The following PRKAG2 variants were observed in gnomAD, a reference collection of about 807,000 sequenced individuals.
PRKAG2 encodes protein kinase AMP-activated non-catalytic subunit gamma 2.
A neutral mutation model predicts 69.6 loss-of-function variants in PRKAG2; 26 were observed. That is an observed-to-expected ratio of 0.37 (90% CI 0.27 to 0.52). The LOEUF (loss-of-function observed/expected upper bound fraction) is 0.52, where lower values mean the gene tolerates loss of function less well. Among genes scored for constraint, PRKAG2 ranks in the 20% least tolerant of loss-of-function variants. The pLI, the probability that PRKAG2 is intolerant of heterozygous loss-of-function variation, is 0.90. For missense variants in PRKAG2, 557 were observed against 740.0 expected (o/e 0.75, Z 2.87); for synonymous variants, 293 against 285.0 (o/e 1.03, Z -0.28).
chr7:151,831,720 T>A (rs2079029275), intron 1 of PRKAG2, among the ~76,000 whole-genome samples: 1 of 152,162 alleles, frequency 6.6e-6, no homozygotes, highest in Non-Finnish European at 1.5e-5. Context: ...CAAGCTGGTC[T>A]CGGGTCCTGG....
chr7:151,716,530 T>C (rs1796213644), intron 3 of PRKAG2, among the ~76,000 whole-genome samples: 1 of 152,158 alleles, frequency 6.6e-6, no homozygotes, highest in African/African-American at 2.4e-5. Flanking sequence ...AGCTACATAC[T>C]TGTTCCCATG....
At chr7:151,870,494 G>A (rs980225215) in intron 1 of PRKAG2, among the ~76,000 whole-genome samples, 2 of 152,208 alleles carry the variant, frequency 1.3e-5, no homozygotes, top group African/African-American at 2.4e-5. Context: ...GCTCAGGATG[G>A]TACAAACTGG....
chr7:151,613,658 T>C (rs11771537), intron 5 of PRKAG2, among the ~76,000 whole-genome samples: 21,552 of 151,348 alleles, frequency 0.14, 1,636 homozygotes, highest in East Asian at 0.26. Context: ...CCACCACGCC[T>C]GGCTAATTTT....
At chr7:151,595,795 A>T (rs1274460612) in intron 5 of PRKAG2, among the ~76,000 whole-genome samples, 1 of 152,260 alleles carries the variant, frequency 6.6e-6, no homozygotes, top group African/African-American at 2.4e-5. Context: ...TGAGTTTAGC[A>T]GGGTCATAGA....
intron 5 of PRKAG2, among the ~76,000 whole-genome samples, chr7:151,604,751 C>T (rs1044013683): frequency 2.0e-5 from 3 of 152,222 alleles, no homozygotes; most frequent in East Asian, 1.9e-4. Context: ...CTCACGATCC[C>T]GTCCAGGATT....
At chr7:151,863,796 G>A (rs921791026) in intron 1 of PRKAG2, among the ~76,000 whole-genome samples, 1 of 151,870 alleles carries the variant, frequency 6.6e-6, no homozygotes, top group South Asian at 2.1e-4. Flanking sequence ...CTGCGGTCCC[G>A]GCTACTGAGC....
intron 2 of PRKAG2, among the ~76,000 whole-genome samples, chr7:151,785,229 T>C (rs60355165): frequency 0.051 from 7,769 of 152,336 alleles, 587 homozygotes; most frequent in African/African-American, 0.17. Context: ...GGCCAGGGCC[T>C]GGCTGTGGCC....
At chr7:151,731,483 GGGCTGCAGGGCCT>G (rs2151681575) in intron 3 of PRKAG2, among the ~76,000 whole-genome samples, 1 of 152,272 alleles carries the variant, frequency 6.6e-6, no homozygotes, top group Non-Finnish European at 1.5e-5. Flanking sequence ...GTGATTCCGG[GGGCTGCAGGGCCT>G]TGATTTGATG....
chr7:151,629,248 C>CGG (rs1464051606), intron 5 of PRKAG2, among the ~76,000 whole-genome samples: 1 of 152,148 alleles, frequency 6.6e-6, no homozygotes, highest in Admixed American at 6.5e-5. Flanking sequence ...AAAAGTTGGC[C>CGG]GGCCCATGTC....
chr7:151,612,024 G>C (rs1224819304), intron 5 of PRKAG2, among the ~76,000 whole-genome samples: 1 of 152,184 alleles, frequency 6.6e-6, no homozygotes, highest in African/African-American at 2.4e-5. Flanking sequence ...CAGCCTGGAC[G>C]ACACAGTGAG....
At chr7:151,782,372 G>GGAAGGAAAGAAGGAAA (rs1563663455) in intron 2 of PRKAG2, among the ~76,000 whole-genome samples, 2 of 28,518 alleles carry the variant, frequency 7.0e-5, no homozygotes, top group African/African-American at 9.4e-5. Context: ...AGGGAGGGAG[G>GGAAGGAAAGAAGGAAA]GAAGGAAAGA....
intron 1 of PRKAG2, among the ~76,000 whole-genome samples, chr7:151,795,846 C>CATATAGAT (rs1491280551): frequency 3.5e-5 from 2 of 56,792 alleles, no homozygotes; most frequent in African/African-American, 1.4e-4. Flanking sequence ...AAACAAATCT[C>CATATAGAT]ATATATATAT....
intron 3 of PRKAG2, among the ~76,000 whole-genome samples, chr7:151,742,366 G>A (rs887468336): frequency 2.6e-5 from 4 of 152,276 alleles, no homozygotes; most frequent in East Asian, 1.9e-4. Context: ...TGTGGCTCAC[G>A]CCTGTAATCC....
intron 4 of PRKAG2, among the ~76,000 whole-genome samples, chr7:151,646,686 C>T (rs1563336190): frequency 6.6e-6 from 1 of 152,192 alleles, no homozygotes; most frequent in African/African-American, 2.4e-5. Context: ...GTGTATTATA[C>T]ATAACTCTGA....
intron 3 of PRKAG2, among the ~76,000 whole-genome samples, chr7:151,749,180 G>T (rs1199376936): frequency 6.6e-6 from 1 of 152,220 alleles, no homozygotes; most frequent in Non-Finnish European, 1.5e-5. Context: ...AGAAAAGGAG[G>T]CTACGGAGAA....
rs1486587287 is a variant in PRKAG2 at position 151,731,638 on chromosome 7, C to A, written c.466+49514G>T. On this transcript the variant is annotated intron_variant, in intron 3 of 15. Transcript: ENST00000287878. ...AGTGTGCACCTTGTCCCTGGGGAAG[C>A]AGCTCCATGCTGAGTTAAGGCAGAG... 2.0e-5 allele frequency among the ~76,000 whole-genome samples: 3 copies of A among 152,130 alleles called. No homozygotes were observed. The East Asian group carries it at 5.8e-4, about 29-fold the overall frequency.
intron 1 of PRKAG2, among the ~76,000 whole-genome samples, chr7:151,830,739 C>A (rs2079005540): frequency 6.8e-6 from 1 of 147,534 alleles, no homozygotes; most frequent in South Asian, 2.2e-4. Context: ...TGGAAAACTC[C>A]CTCTGGCCAA....
At chr7:151,588,895 T>C (rs1482922287) in intron 6 of PRKAG2, among the ~76,000 whole-genome samples, 1 of 152,210 alleles carries the variant, frequency 6.6e-6, no homozygotes, top group Admixed American at 6.5e-5. Context: ...TATCTTTCTC[T>C]GAATTCCTGG....
chr7:151,637,845 G>A (rs151022060), intron 4 of PRKAG2, among the ~76,000 whole-genome samples: 17 of 152,062 alleles, frequency 1.1e-4, no homozygotes, highest in Non-Finnish European at 2.4e-4. Context: ...GCTGGTGGTC[G>A]TCGTTGCCCT....
Sources: gnomAD v4.1 joint callset for allele counts (sites outside exome capture counted in the v4.1 genomes callset) on GRCh38, gnomAD v4.1.1 for gene constraint, MANE v1.5 for transcripts, NCBI Gene and HGNC (gene_info 2026-07-23, HGNC 2026-07-21) for gene names.